Variants in DDX10 observed in about 807,000 individuals in gnomAD.
DDX10 encodes probable ATP-dependent RNA helicase DDX10.
Under a neutral mutation model 104.3 loss-of-function variants are expected in DDX10, and 74 were observed. The observed-to-expected ratio is 0.71, with a 90% CI of 0.59 to 0.86. The LOEUF (loss-of-function observed/expected upper bound fraction) is 0.86. Ranked by LOEUF, DDX10 falls within the 40% of genes least tolerant of loss-of-function variation. The pLI is 0.00. For synonymous variants in DDX10, 351 were observed against 353.4 expected, an observed-to-expected ratio of 0.99 and a Z score of 0.08; for missense variants, 952 against 1,040.0, an observed-to-expected ratio of 0.92 and a Z score of 1.16.
At position 108,715,959 on chromosome 11, in the gene DDX10, C is replaced by A; in HGVS notation, c.1403C>A (p.Ala468Asp). The A allele has an allele frequency of 6.5e-7, 1 of 1,531,808 alleles. No individual in the cohort carries two copies. Among genetic ancestry groups the A allele is most frequent in the Non-Finnish European group, 9.0e-7 (1 of 1,110,134 alleles). The allele number at this position is 1,531,808 out of a possible 1,614,324, so 94.9% of individuals were successfully genotyped here. Residue 468 changes from alanine to aspartate, a missense_variant, in exon 11 of 18, where the codon GCT becomes GAT. Ala to Asp is a moderately radical substitution (Grantham distance 126, BLOSUM62 -2). Coordinates refer to ENST00000322536, the MANE Select transcript of DDX10 (RefSeq NM_004398.4). ...LAQDQDLKER[A>D]QRCFVSYVRS... ...CAAGATCAAGATTTAAAAGAAAGAGCTCAAAGGGTAAGTCATTTTTCAGTT... is the reference window on the plus strand; with the variant it reads ...CAAGATCAAGATTTAAAAGAAAGAGATCAAAGGGTAAGTCATTTTTCAGTT...
intron 15 of DDX10, among the ~76,000 whole-genome samples, chr11:108,843,711 G>A (rs530435797): frequency 2.0e-5 from 3 of 151,236 alleles, no homozygotes; most frequent in Admixed American, 6.6e-5. Flanking sequence ...AGCCGAGGTC[G>A]TGCCACTGCA....
At chr11:108,684,089 T>A (rs2094239310) in intron 6 of DDX10, among the ~76,000 whole-genome samples, 1 of 151,174 alleles carries the variant, frequency 6.6e-6, no homozygotes, top group Non-Finnish European at 1.5e-5. Context: ...TTTAGTAATC[T>A]TTGGACTCCT....
chr11:108,879,560 T>A (rs1048874863), intron 16 of DDX10, among the ~76,000 whole-genome samples: 1 of 152,134 alleles, frequency 6.6e-6, no homozygotes, highest in Non-Finnish European at 1.5e-5. Context: ...TAGTAACACA[T>A]GGTTATGGTA....
chr11:108,799,472 G>T (rs1404298916), intron 13 of DDX10, among the ~76,000 whole-genome samples: 1 of 152,136 alleles, frequency 6.6e-6, no homozygotes, highest in Non-Finnish European at 1.5e-5. Context: ...GTCTGCCAGG[G>T]TTCTTCATCT....
At position 108,896,258 on chromosome 11, in the gene DDX10, G is replaced by A. The variant is rs569256806; in HGVS notation, c.2305-21615G>A. Among the ~76,000 whole-genome samples the A allele has an allele frequency of 2.7e-4, 41 of 152,130 alleles. No individual in the cohort carries two copies. The South Asian group carries it at 8.1e-3, about 30-fold the overall frequency. On this transcript the variant is annotated intron_variant, in intron 16 of 17. Coordinates refer to ENST00000322536, the MANE Select transcript of DDX10 (RefSeq NM_004398.4). Reference sequence around the variant, plus strand: ...CGATACATTTAAAAGCAAAACAAATGAACAAGCATGCTTGTGAATCCAACG... The same window carrying A: ...CGATACATTTAAAAGCAAAACAAATAAACAAGCATGCTTGTGAATCCAACG...
At chr11:108,679,015 C>T (rs1206929020) in intron 5 of DDX10, among the ~76,000 whole-genome samples, 6 of 151,648 alleles carry the variant, frequency 4.0e-5, no homozygotes, top group East Asian at 1.9e-4. Context: ...TGCACCACCA[C>T]GCCCAGCTAA....
intron 13 of DDX10, among the ~76,000 whole-genome samples, chr11:108,741,026 A>G (rs2094324555): frequency 6.6e-6 from 1 of 152,178 alleles, no homozygotes; most frequent in African/African-American, 2.4e-5. Flanking sequence ...GCATATGGCT[A>G]GCCAGTTATC....
At chr11:108,731,440 A>G (rs920830969) in intron 13 of DDX10, among the ~76,000 whole-genome samples, 1 of 151,986 alleles carries the variant, frequency 6.6e-6, no homozygotes, top group Non-Finnish European at 1.5e-5. Flanking sequence ...TCGTGTTAAT[A>G]TCTTTTGATT....
In DDX10 at chr11:108,804,457, C is replaced by T. The variant is rs529366961; in HGVS notation, c.1966-33989C>T. On this transcript the variant is annotated intron_variant, in intron 13 of 17. Coordinates refer to ENST00000322536, the MANE Select transcript of DDX10 (RefSeq NM_004398.4). ...TTGAGGCTGCATTGAGCCGATTGCA[C>T]AACTGCATTCCAGCCTGGGTGACAG... Among the ~76,000 whole-genome samples the T allele has an allele frequency of 5.8e-5, 7 of 121,254 alleles. No homozygotes were observed. In the East Asian group the frequency reaches 1.9e-3, roughly 33 times the overall value. The allele number at this position is 121,254 out of a possible 152,430, so 79.5% of individuals were successfully genotyped here.
intron 16 of DDX10, among the ~76,000 whole-genome samples, chr11:108,863,694 C>T (rs1329353540): frequency 6.6e-6 from 1 of 152,160 alleles, no homozygotes; most frequent in Admixed American, 6.6e-5. Flanking sequence ...ATCCATCCAA[C>T]CCTAAGATTT....
chr11:108,845,068 C>G (rs1278888819), intron 15 of DDX10, among the ~76,000 whole-genome samples: 5 of 151,980 alleles, frequency 3.3e-5, no homozygotes, highest in African/African-American at 1.2e-4. Flanking sequence ...ATTAGCCAGT[C>G]GTGATGGCGG....
chr11:108,727,864 G>C (rs930137596), intron 13 of DDX10: 1 of 202,680 alleles, frequency 4.9e-6, no homozygotes, highest in Non-Finnish European at 1.0e-5. Context: ...GAAAATACAT[G>C]TGAAGAGATC....
intron 16 of DDX10, among the ~76,000 whole-genome samples, chr11:108,871,078 G>A (rs772953206): frequency 6.6e-5 from 10 of 152,172 alleles, no homozygotes; most frequent in Non-Finnish European, 1.5e-4. Context: ...ACTGGACCCA[G>A]ATAGATATTA....
intron 9 of DDX10, among the ~76,000 whole-genome samples, chr11:108,703,868 G>A (rs1445695950): frequency 6.6e-6 from 1 of 152,230 alleles, no homozygotes; most frequent in East Asian, 1.9e-4. Context: ...TTATGTTTTA[G>A]GGAAAAGATG....
At chr11:108,876,598 A>G (rs1332182812) in intron 16 of DDX10, among the ~76,000 whole-genome samples, 4 of 152,192 alleles carry the variant, frequency 2.6e-5, no homozygotes, top group African/African-American at 9.6e-5. Context: ...GTGATCTTGA[A>G]CAAGTTTCTT....
chr11:108,879,113 C>T (rs370296611), intron 16 of DDX10, among the ~76,000 whole-genome samples: 7 of 152,218 alleles, frequency 4.6e-5, no homozygotes, highest in African/African-American at 1.7e-4. Flanking sequence ...AAGCGATTCC[C>T]GTGTCAGCCT....
At chr11:108,882,212 T>G (rs544184066) in intron 16 of DDX10, among the ~76,000 whole-genome samples, 1 of 152,314 alleles carries the variant, frequency 6.6e-6, no homozygotes, top group East Asian at 1.9e-4. Context: ...GTCATTTTCT[T>G]GCTTTCCTAT....
intron 13 of DDX10, among the ~76,000 whole-genome samples, chr11:108,788,447 C>G (rs1006336024): frequency 1.3e-5 from 2 of 151,940 alleles, no homozygotes; most frequent in African/African-American, 2.4e-5. Context: ...ATTGCAAGCT[C>G]CATCTCCCAG....
intron 16 of DDX10, among the ~76,000 whole-genome samples, chr11:108,871,923 T>C (rs2553756): frequency 0.76 from 114,307 of 151,228 alleles, 43,549 homozygotes; most frequent in Admixed American, 0.8. Context: ...AGCGAAATTC[T>C]GCCTCAAAAA....
Sources: allele counts gnomAD v4.1 joint callset (sites outside exome capture counted in the v4.1 genomes callset), GRCh38; gene constraint gnomAD v4.1.1; transcripts MANE v1.5; gene names NCBI Gene and HGNC (gene_info 2026-07-23, HGNC 2026-07-21).